USP6NL: variants seen among roughly 807,000 people sequenced by gnomAD.
USP6NL encodes USP6 N-terminal like.
In USP6NL, 26 loss-of-function variants were observed where a neutral mutation model predicts 61.9. The ratio of observed to expected loss-of-function variants is 0.42; its 90% CI spans 0.31 to 0.58. USP6NL has a LOEUF of 0.58. Among genes scored for constraint, USP6NL ranks in the 20% least tolerant of loss-of-function variants. The probability of loss-of-function intolerance (pLI) is 0.16; values close to 1 mark genes in which losing one functional copy is unlikely to be tolerated. For synonymous variants in USP6NL, 432 were observed against 390.1 expected (o/e 1.11, Z -1.27); for missense variants, 1,114 against 1,034.3 (o/e 1.08, Z -1.06).
chr10:11,563,594 C>T (rs1003182543), intron 2 of USP6NL: 3 of 152,106 alleles, frequency 2.0e-5, no homozygotes, highest in Admixed American at 2.0e-4. Flanking sequence ...TACTGTTTTG[C>T]AATTTCCTAT....
intron 2 of USP6NL, among the ~76,000 whole-genome samples, chr10:11,584,999 A>G (rs1837915759): frequency 6.6e-6 from 1 of 152,134 alleles, no homozygotes; most frequent in Non-Finnish European, 1.5e-5. Flanking sequence ...TAAAAGCTAC[A>G]CTGCTTCATA....
chr10:11,597,814 C>G lies in USP6NL; in HGVS notation c.-83-97G>C. On this transcript the variant is annotated intron_variant, in intron 1 of 14. Coordinates refer to ENST00000609104, the MANE Select transcript of USP6NL (RefSeq NM_014688.5). This position sits in a 1 kb window ranked among gnomAD's most constrained non-coding sequence, Gnocchi z 4.6. ...AAAATCATTTTGTTTCAAAAATATTCTACTATTTCCAAAAAGAACTCTTGT... is the reference window on the plus strand; with the variant it reads ...AAAATCATTTTGTTTCAAAAATATTGTACTATTTCCAAAAAGAACTCTTGT... The G allele has an allele frequency of 1.8e-6, 1 of 561,448 alleles. No individual in the cohort carries two copies. 34.8% of individuals were successfully genotyped at this position (561,448 alleles called of 1,614,324 possible). A position where few individuals can be genotyped will look rare whatever the true frequency, so the allele number is the denominator to read the frequency against.
In USP6NL at chr10:11,596,640, A is replaced by C. The variant is rs1037421581; in HGVS notation, c.4+991T>G. On this transcript the variant is annotated intron_variant, in intron 2 of 14. Coordinates refer to ENST00000609104, the MANE Select transcript of USP6NL (RefSeq NM_014688.5). The surrounding 1 kb of genome is among the most constrained non-coding windows in gnomAD (Gnocchi z 4.1). ...CTCCGTCTCAAAAAAAAAAAAAAAA[A>C]CTCTTTCTTAATCTGTACTGAACTC... 1.3e-5 allele frequency among the ~76,000 whole-genome samples: 2 copies of C among 151,046 alleles called. No individual in the cohort carries two copies. The highest frequency in any genetic ancestry group is 4.9e-5 in the African/African-American group (2 of 41,006).
chr10:11,590,923 T>A (rs760597557), intron 2 of USP6NL, among the ~76,000 whole-genome samples: 6 of 152,120 alleles, frequency 3.9e-5, no homozygotes, highest in Non-Finnish European at 8.8e-5. Context: ...TCATAACTAA[T>A]ACAGGAATTC....
Position 11,554,966 on chromosome 10 carries a change from A to ATT in USP6NL, c.5-27401_5-27400dup, listed in dbSNP as rs764342021. 2.3e-3 allele frequency among the ~76,000 whole-genome samples: 259 copies of ATT among 111,842 alleles called. 8 individuals carry two copies. The highest frequency in any genetic ancestry group is 8.1e-3 in the South Asian group (27 of 3,332). The allele number at this position is 111,842 out of a possible 152,430, so 73.4% of individuals were successfully genotyped here. On this transcript the variant is annotated intron_variant, in intron 2 of 14. Transcript: ENST00000609104. ...AGGTGCCTGCCACCATGCCCGGCTAATTTTTTTTTTTTTTTTTTTACTAGA... is the reference window on the plus strand; with the variant it reads ...AGGTGCCTGCCACCATGCCCGGCTAATTTTTTTTTTTTTTTTTTTTTACTAGA...
chr10:11,473,333 C>G (rs890134164), intron 14 of USP6NL, among the ~76,000 whole-genome samples: 5 of 152,196 alleles, frequency 3.3e-5, no homozygotes, highest in African/African-American at 1.2e-4. Flanking sequence ...CTAATAGAGA[C>G]ATGACTGACA....
chr10:11,575,592 CTCACTGGTATTA>C lies in USP6NL; in HGVS notation c.4+22027_4+22038del, dbSNP rs1441269891. Among the ~76,000 whole-genome samples, 1 of 152,322 alleles carries C rather than the reference CTCACTGGTATTA, an allele frequency of 6.6e-6. No homozygotes were observed. The highest frequency in any genetic ancestry group is 2.4e-5 in the African/African-American group (1 of 41,576). On this transcript the variant is annotated intron_variant, in intron 2 of 14. Coordinates refer to ENST00000609104, the MANE Select transcript of USP6NL (RefSeq NM_014688.5). This position sits in a 1 kb window ranked among gnomAD's most constrained non-coding sequence, Gnocchi z 4.2. ...AAATTTCAATCATCATCTTCCTTAT[CTCACTGGTATTA>C]TCACTGGTTTTGAAAATGAAAATCA...
chr10:11,551,402 T>C (rs895173528), intron 2 of USP6NL, among the ~76,000 whole-genome samples: 9 of 152,272 alleles, frequency 5.9e-5, no homozygotes, highest in Non-Finnish European at 1.0e-4. Context: ...TTTGTTTACT[T>C]GTTTATTTTG....
intron 2 of USP6NL, among the ~76,000 whole-genome samples, chr10:11,552,218 TA>T (rs1836516431): frequency 6.6e-6 from 1 of 152,168 alleles, no homozygotes; most frequent in Non-Finnish European, 1.5e-5. Context: ...AGACTTACCA[TA>T]ATAATTCTAT....
At position 11,474,261 on chromosome 10, in the gene USP6NL, T is replaced by TATG. The variant is rs1832877665; in HGVS notation, c.1078+7506_1078+7508dup. On this transcript the variant is annotated intron_variant, in intron 14 of 14. Transcript: ENST00000609104. This position sits in a 1 kb window ranked among gnomAD's most constrained non-coding sequence, Gnocchi z 4.9. ...GAGAATTTGGCCAAGTTGGCCTTCT[T>TATG]ATGCCAATTTAAAAATATGCAAATG... 6.6e-6 allele frequency among the ~76,000 whole-genome samples: 1 copy of TATG among 152,262 alleles called. No individual in the cohort carries two copies. The highest frequency in any genetic ancestry group is 2.1e-4 in the South Asian group (1 of 4,834).
At position 11,575,157 on chromosome 10, in the gene USP6NL, G is replaced by C. The variant is rs1837498202; in HGVS notation, c.4+22474C>G. Among the ~76,000 whole-genome samples the C allele has an allele frequency of 6.6e-6, 1 of 152,046 alleles. No homozygotes were observed. The highest frequency in any genetic ancestry group is 2.4e-5 in the African/African-American group (1 of 41,394). ...CTAAATCAAAGTAAGAGTTCAGATGGGTCAAAGACTAAGTTTTAAACCTCA... is the reference window on the plus strand; with the variant it reads ...CTAAATCAAAGTAAGAGTTCAGATGCGTCAAAGACTAAGTTTTAAACCTCA... On this transcript the variant is annotated intron_variant, in intron 2 of 14. Transcript: ENST00000609104. This position sits in a 1 kb window ranked among gnomAD's most constrained non-coding sequence, Gnocchi z 4.2.
intron 1 of USP6NL, among the ~76,000 whole-genome samples, chr10:11,604,293 A>G (rs1588426983): frequency 1.3e-5 from 2 of 152,352 alleles, no homozygotes; most frequent in East Asian, 1.9e-4. Flanking sequence ...TTTTAATTCA[A>G]TGGGTAACTC....
At position 11,500,521 on chromosome 10, in the gene USP6NL, G is replaced by A. The variant is rs143443210; in HGVS notation, c.384+580C>T. ...AGGTTCAGAAAGGGTATAGCTACGAGATGACAAGGAGATACATTTAAAGCA... is the reference window on the plus strand; with the variant it reads ...AGGTTCAGAAAGGGTATAGCTACGAAATGACAAGGAGATACATTTAAAGCA... On this transcript the variant is annotated intron_variant, in intron 7 of 14. Coordinates refer to ENST00000609104, the MANE Select transcript of USP6NL (RefSeq NM_014688.5). Among the ~76,000 whole-genome samples the A allele has an allele frequency of 2.4e-3, 372 of 152,158 alleles. 1 individual carries two copies. The highest frequency in any genetic ancestry group is 0.011 in the South Asian group (52 of 4,806).
chr10:11,467,186 C>T (rs949200539), intron 14 of USP6NL, among the ~76,000 whole-genome samples: 2 of 152,064 alleles, frequency 1.3e-5, no homozygotes, highest in African/African-American at 2.4e-5. Flanking sequence ...AAATGGAGCA[C>T]CCTAACTTCT....
chr10:11,482,032 C>G lies in USP6NL; in HGVS notation c.926-110G>C. On this transcript the variant is annotated intron_variant, in intron 13 of 14. Coordinates refer to ENST00000609104, the MANE Select transcript of USP6NL (RefSeq NM_014688.5). The surrounding 1 kb of genome is among the most constrained non-coding windows in gnomAD (Gnocchi z 4.0). ...AAAAGGGCATTAAAAAGGGCGCAAG[C>G]AGCATACAACTTACATATGGCATTG... The G allele has an allele frequency of 1.9e-6, 2 of 1,074,476 alleles. No homozygotes were observed. Among genetic ancestry groups the G allele is most frequent in the Non-Finnish European group, 2.6e-6 (2 of 781,736 alleles). The allele number at this position is 1,074,476 out of a possible 1,614,324, so 66.6% of individuals were successfully genotyped here. A position where few individuals can be genotyped will look rare whatever the true frequency, so the allele number is the denominator to read the frequency against.
intron 7 of USP6NL, among the ~76,000 whole-genome samples, chr10:11,500,683 G>T (rs921061639): frequency 6.6e-6 from 1 of 151,938 alleles, no homozygotes; most frequent in Non-Finnish European, 1.5e-5. Context: ...ATCATACACA[G>T]CAGGTGTTGG....
chr10:11,544,741 G>A (rs970982427), intron 2 of USP6NL, among the ~76,000 whole-genome samples: 6 of 151,798 alleles, frequency 4.0e-5, no homozygotes, highest in African/African-American at 1.5e-4. Flanking sequence ...CACCCGCCTC[G>A]GCCTCCCAAA....
At chr10:11,582,387 C>T (rs759361405) in intron 2 of USP6NL, among the ~76,000 whole-genome samples, 1 of 152,222 alleles carries the variant, frequency 6.6e-6, no homozygotes, top group Non-Finnish European at 1.5e-5. Context: ...AGGCGTGAGC[C>T]ACGGTGCCCA....
At chr10:11,545,423 A>C (rs573559293) in intron 2 of USP6NL, among the ~76,000 whole-genome samples, 1 of 152,348 alleles carries the variant, frequency 6.6e-6, no homozygotes, top group East Asian at 1.9e-4. Context: ...CCATGCAAGC[A>C]GGGGTGCTGA....
Sources: gnomAD v4.1 joint callset for allele counts (sites outside exome capture counted in the v4.1 genomes callset) on GRCh38, gnomAD v4.1.1 for gene constraint, Gnocchi (gnomAD v3.1) non-coding constraint, MANE v1.5 for transcripts, NCBI Gene and HGNC (gene_info 2026-07-23, HGNC 2026-07-21) for gene names.